The following NAXD variants were observed in gnomAD, a reference collection of about 807,000 sequenced individuals.
NAXD encodes the protein ATP-dependent (S)-NAD(P)H-hydrate dehydratase.
Under a neutral mutation model 35.8 loss-of-function variants are expected in NAXD, and 22 were observed. That is an observed-to-expected ratio of 0.62 (90% confidence interval 0.44 to 0.88). The LOEUF is 0.88. Among genes scored for constraint, NAXD ranks in the 40% least tolerant of loss-of-function variants. The pLI, the probability that NAXD is intolerant of heterozygous loss-of-function variation, is 0.00. For missense variants in NAXD, 428 were observed against 437.7 expected (o/e 0.98, Z 0.20); for synonymous variants, 189 against 177.6 (o/e 1.06, Z -0.51).
intron 5 of NAXD, among the ~76,000 whole-genome samples, chr13:110,633,489 G>A (rs1167887681): frequency 6.6e-6 from 1 of 152,258 alleles, no homozygotes; most frequent in Non-Finnish European, 1.5e-5. Flanking sequence ...CAGTGCAGTG[G>A]TGGGCTGAAG....
intron 5 of NAXD, 135 bp from the exon 6 acceptor site, chr13:110,634,410 C>T: frequency 1.2e-6 from 1 of 845,338 alleles, no homozygotes; most frequent in Admixed American, 2.0e-5. Context: ...GAGGACACTG[C>T]CACATCACCT....
At chr13:110,616,506 A>G (rs1886062254) in intron 1 of NAXD, among the ~76,000 whole-genome samples, 1 of 152,238 alleles carries the variant, frequency 6.6e-6, no homozygotes, top group Non-Finnish European at 1.5e-5. Flanking sequence ...GATGTCCCCG[A>G]GGGCCCTGCC....
At chr13:110,618,782 A>G (rs1029480737) in intron 1 of NAXD, among the ~76,000 whole-genome samples, 4 of 152,216 alleles carry the variant, frequency 2.6e-5, no homozygotes, top group African/African-American at 7.2e-5. Context: ...TAAAGCCTGT[A>G]GGTTTTAAGC....
chr13:110,635,649 G>A (rs1247141568), intron 8 of NAXD, 61 bp downstream of exon 8: 8 of 1,589,728 alleles, frequency 5.0e-6, no homozygotes, highest in East Asian at 4.5e-5. Context: ...TGGCCACACC[G>A]AGCATGAGCC....
chr13:110,624,809 T>G (rs1214350068), intron 3 of NAXD, among the ~76,000 whole-genome samples: 1 of 152,212 alleles, frequency 6.6e-6, no homozygotes, highest in Non-Finnish European at 1.5e-5. Flanking sequence ...TGTATTGTAC[T>G]CCACCAAAGT....
At position 110,631,118 on chromosome 13, in the gene NAXD, G is replaced by A. The variant is rs924670072; in HGVS notation, c.442-3427G>A. 1.9e-4 allele frequency among the ~76,000 whole-genome samples: 29 copies of A among 152,156 alleles called. 1 individual carries two copies. Among genetic ancestry groups the A allele is most frequent in the Admixed American group, 1.6e-3 (24 of 15,286 alleles). On this transcript the variant is annotated intron_variant, in intron 5 of 9. Transcript: ENST00000680254. Reference sequence around the variant, plus strand: ...CATTAAGTCTTCTGGTTCCTGGGCTGGCTTTGAACCCACGTTGTCTGAATC... The same window carrying A: ...CATTAAGTCTTCTGGTTCCTGGGCTAGCTTTGAACCCACGTTGTCTGAATC...
intron 1 of NAXD, chr13:110,616,073 G>A: frequency 2.8e-6 from 1 of 351,068 alleles, no homozygotes; most frequent in East Asian, 4.4e-5. Context: ...GGAGGGCCCT[G>A]GGGCGCCGTG....
chr13:110,620,883 T>C (rs544171895), intron 1 of NAXD, among the ~76,000 whole-genome samples: 1 of 152,368 alleles, frequency 6.6e-6, no homozygotes, highest in African/African-American at 2.4e-5. Flanking sequence ...ATACTGTTTA[T>C]ATTTGCAAAG....
chr13:110,630,133 G>A (rs1187578076), intron 5 of NAXD, among the ~76,000 whole-genome samples: 1 of 152,110 alleles, frequency 6.6e-6, no homozygotes. Flanking sequence ...GGGTTTAAGT[G>A]ATTCCTTTGC....
rs1162372485 is a variant in NAXD, at chr13:110,639,949, A to C, written c.*1421A>C. The C allele has an allele frequency of 6.6e-6, 1 of 152,276 alleles. No homozygotes were observed. Among genetic ancestry groups the C allele is most frequent in the Admixed American group, 6.5e-5 (1 of 15,290 alleles). 9.4% of individuals were successfully genotyped at this position (152,276 alleles called of 1,614,324 possible). A position where few individuals can be genotyped will look rare whatever the true frequency, so the allele number is the denominator to read the frequency against. On this transcript the variant is annotated 3_prime_UTR_variant, in exon 10 of 10. Coordinates refer to ENST00000680254, the MANE Select transcript of NAXD (RefSeq NM_001242882.2). The stretch of plus-strand genomic sequence containing the variant: ...TGGACATTTTTCCTCTGGGGAATTA[A>C]CATCTAAATTCTGGTAACTATTAAA...
intron 1 of NAXD, among the ~76,000 whole-genome samples, chr13:110,616,692 T>C (rs1886070903): frequency 6.6e-6 from 1 of 152,316 alleles, no homozygotes; most frequent in South Asian, 2.1e-4. Flanking sequence ...ATACAGGAAG[T>C]AGTTCGTGTA....
rs1799059796 is a variant in NAXD at position 110,638,700 on chromosome 13, G to A, written c.*172G>A. The stretch of plus-strand genomic sequence containing the variant: ...AAGAATCTGGAATATTGCAGCTTTT[G>A]GTTAAACTTAATGCATGGTTGGAGA... On this transcript the variant is annotated 3_prime_UTR_variant, in exon 10 of 10. Transcript: ENST00000680254. This position sits in a 1 kb window ranked among gnomAD's most constrained non-coding sequence, Gnocchi z 5.4. 2.6e-6 allele frequency: 2 copies of A among 782,960 alleles called. No homozygotes were observed. Among genetic ancestry groups the A allele is most frequent in the Non-Finnish European group, 4.4e-6 (2 of 459,112 alleles). 48.5% of individuals were successfully genotyped at this position (782,960 alleles called of 1,614,324 possible).
intron 1 of NAXD, among the ~76,000 whole-genome samples, chr13:110,620,752 T>C (rs2139629629): frequency 6.6e-6 from 1 of 152,282 alleles, no homozygotes; most frequent in East Asian, 1.9e-4. Context: ...AAGACAAAGC[T>C]CTTTTGCTGT....
chr13:110,617,232 T>C (rs1886092737), intron 1 of NAXD, among the ~76,000 whole-genome samples: 1 of 152,224 alleles, frequency 6.6e-6, no homozygotes, highest in African/African-American at 2.4e-5. Context: ...ATTTTTGTTT[T>C]TTTAAGTAGA....
intron 1 of NAXD, among the ~76,000 whole-genome samples, chr13:110,619,412 C>T (rs1419220606): frequency 1.3e-5 from 2 of 152,000 alleles, no homozygotes; most frequent in South Asian, 4.2e-4. Flanking sequence ...GAAGTATTAC[C>T]ATTTAGGAGT....
At chr13:110,622,539 C>T (rs1341604309) in intron 2 of NAXD, among the ~76,000 whole-genome samples, 173 bp downstream of exon 2, 1 of 152,188 alleles carries the variant, frequency 6.6e-6, no homozygotes, top group Non-Finnish European at 1.5e-5. Flanking sequence ...GGAAATAACT[C>T]TGAGGAGCCC....
intron 9 of NAXD, chr13:110,637,845 C>G (rs1047713360): frequency 4.2e-6 from 2 of 471,540 alleles, no homozygotes; most frequent in Non-Finnish European, 4.2e-6. Context: ...CATGTGTCCT[C>G]ATTGCCGGGA....
Position 110,637,257 on chromosome 13 carries a change from C to T in NAXD, c.839+8C>T. On this transcript the variant is annotated splice_region_variant and intron_variant, in intron 9 of 9. Coordinates refer to ENST00000680254, the MANE Select transcript of NAXD (RefSeq NM_001242882.2). ...ACCACAGAAAACAAATGGGTAAGGC[C>T]ACGTCTTCATTTATTCTACTTTGAA... 6.2e-7 allele frequency: 1 copy of T among 1,613,792 alleles called. No individual in the cohort carries two copies. Among genetic ancestry groups the T allele is most frequent in the South Asian group, 1.1e-5 (1 of 91,044 alleles).
Position 110,638,135 on chromosome 13 carries a change from C to T in NAXD, c.840-243C>T, listed in dbSNP as rs1594187929. On this transcript the variant is annotated intron_variant, in intron 9 of 9. Transcript: ENST00000680254. The surrounding 1 kb of genome is among the most constrained non-coding windows in gnomAD (Gnocchi z 5.4). ...ACACCTGGCCCACTGTGTGCCCTAG[C>T]CCTGGACCTGTCTCCGAGTACATAG... 1 of 1,147,398 alleles carries T rather than the reference C, an allele frequency of 8.7e-7. No individual in the cohort carries two copies. The highest frequency in any genetic ancestry group is 1.5e-5 in the African/African-American group (1 of 64,654). 71.1% of individuals were successfully genotyped at this position (1,147,398 alleles called of 1,614,324 possible). A position where few individuals can be genotyped will look rare whatever the true frequency, so the allele number is the denominator to read the frequency against.
Sources: gnomAD v4.1 joint callset for allele counts (sites outside exome capture counted in the v4.1 genomes callset) on GRCh38, gnomAD v4.1.1 for gene constraint, Gnocchi (gnomAD v3.1) non-coding constraint, MANE v1.5 for transcripts, NCBI Gene and HGNC (gene_info 2026-07-23, HGNC 2026-07-21) for gene names.